The following PRAMEF6 variants were observed in gnomAD, a reference collection of about 807,000 sequenced individuals.
PRAMEF6 encodes the protein PRAME family member 6.
For missense variants in PRAMEF6, 29 were observed against 349.2 expected (o/e 0.08, Z 7.31); for synonymous variants, 8 against 134.4 (o/e 0.06, Z 6.51).
intron 1 of PRAMEF6, among the ~76,000 whole-genome samples, chr1:12,946,000 A>AAAAAAAAAAAAAAAAG (rs1641755315): frequency 6.4e-5 from 3 of 47,230 alleles, no homozygotes; most frequent in Non-Finnish European, 1.1e-4. Context: ...AAAAAAAAAA[A>AAAAAAAAAAAAAAAAG]AAAAAAAAAA....
intron 3 of PRAMEF6, 100 bp from the exon 4 acceptor site, chr1:12,939,336 C>G (rs1275940474): frequency 1.9e-5 from 15 of 772,654 alleles, no homozygotes; most frequent in Non-Finnish European, 2.8e-5. Context: ...CCATTTTGCC[C>G]AAGTCCAGGG....
In PRAMEF6 at chr1:12,939,465, G is replaced by A. The variant is rs1641693068; in HGVS notation, c.870-229C>T. On this transcript the variant is annotated intron_variant, in intron 3 of 3. Transcript: ENST00000376189. ...CTCACACCTGTAATCCCAGCACTTT[G>A]GGAGGCTGAGACTGGTGGATTCCTT... is the stretch of plus-strand genomic sequence containing the variant. 2.0e-5 allele frequency among the ~76,000 whole-genome samples: 2 copies of A among 98,504 alleles called. 1 individual carries two copies. The allele number at this position is 98,504 out of a possible 152,430, so 64.6% of individuals were successfully genotyped here.
rs924488601 is a variant in PRAMEF6, at chr1:12,939,694, G to C, written c.870-458C>G. On this transcript the variant is annotated intron_variant, in intron 3 of 3. Coordinates refer to ENST00000376189, the MANE Select transcript of PRAMEF6 (RefSeq NM_001010889.2). ...TACACTCCAGCCTGGGTGACAGAGA[G>C]AGACTCCGCATTAAAAAAAAAAAGG... is the stretch of plus-strand genomic sequence containing the variant. Among the ~76,000 whole-genome samples the C allele has an allele frequency of 1.8e-5, 2 of 112,012 alleles. 1 individual carries two copies. The highest frequency in any genetic ancestry group is 8.2e-5 in the African/African-American group (2 of 24,382). The allele number at this position is 112,012 out of a possible 152,430, so 73.5% of individuals were successfully genotyped here. A position where few individuals can be genotyped will look rare whatever the true frequency, so the allele number is the denominator to read the frequency against.
In PRAMEF6 at chr1:12,939,566, G is replaced by C. The variant is rs1422151163; in HGVS notation, c.870-330C>G. Among the ~76,000 whole-genome samples, 20 of 73,176 alleles carry C rather than the reference G, an allele frequency of 2.7e-4. No homozygotes were observed. The East Asian group carries it at 3.1e-3, about 11-fold the overall frequency. 48.0% of individuals were successfully genotyped at this position (73,176 alleles called of 152,430 possible). A position where few individuals can be genotyped will look rare whatever the true frequency, so the allele number is the denominator to read the frequency against. On this transcript the variant is annotated intron_variant, in intron 3 of 3. Transcript: ENST00000376189. The stretch of plus-strand genomic sequence containing the variant: ...TACTAAAAATCCAAAAATTAGCCAG[G>C]TGTGGTGGCGGGAGCCTGCAATTCC...
intron 1 of PRAMEF6, among the ~76,000 whole-genome samples, chr1:12,943,072 T>TCC (rs1641739302): frequency 6.8e-6 from 1 of 146,382 alleles, no homozygotes; most frequent in Non-Finnish European, 1.5e-5. Flanking sequence ...TCCTCCTCTC[T>TCC]CTCCCTCTTT....
intron 1 of PRAMEF6, 122 bp downstream of exon 1, chr1:12,947,394 TG>T (rs1470405192): frequency 7.4e-6 from 1 of 134,360 alleles, no homozygotes; most frequent in Non-Finnish European, 1.6e-5. Context: ...AGCTTCAAAT[TG>T]TTCATATGAA....
rs1308846079 is a variant in PRAMEF6, at chr1:12,938,524, C to T, written c.*151G>A. ...GGCAACACTTCCCCCAAGTCCTGCC[C>T]CTGCTTGATCACCTTCCCTTTCCCA... On this transcript the variant is annotated 3_prime_UTR_variant, in exon 4 of 4. Coordinates refer to ENST00000376189, the MANE Select transcript of PRAMEF6 (RefSeq NM_001010889.2). 2 of 938,828 alleles carry T rather than the reference C, an allele frequency of 2.1e-6. No homozygotes were observed. The highest frequency in any genetic ancestry group is 5.7e-5 in the Admixed American group (2 of 35,328). 58.2% of individuals were successfully genotyped at this position (938,828 alleles called of 1,614,324 possible).
rs1553173778 is a variant in PRAMEF6, at chr1:12,942,246, T to A, written c.273A>T (p.Gln91His). Residue 91 changes from glutamine to histidine, a missense_variant, in exon 2 of 4, where the codon CAA becomes CAT. Gln to His is a conservative substitution (Grantham distance 24). Transcript: ENST00000376189. ...GGCCACCTCACCTGGGATGAACCCC[T>A]TGGGTAAGCAGTGCATCCAGCCCAT... The part of the protein sequence containing the change: ...VLDGLDALLT[Q>H]GVHPRRWKLQ... 8.7e-5 allele frequency: 2 copies of A among 22,980 alleles called. No homozygotes were observed. Among genetic ancestry groups the A allele is most frequent in the African/African-American group, 0.015 (1 of 66 alleles). 1.4% of individuals were successfully genotyped at this position (22,980 alleles called of 1,614,324 possible). A position where few individuals can be genotyped will look rare whatever the true frequency, so the allele number is the denominator to read the frequency against.
intron 3 of PRAMEF6, among the ~76,000 whole-genome samples, chr1:12,939,507 G>GACCA (rs1411074218): frequency 1.2e-5 from 1 of 86,556 alleles, no homozygotes; most frequent in Non-Finnish European, 2.1e-5. Context: ...AGGAGTTTGA[G>GACCA]ACCAGCCTGC....
chr1:12,943,086 TCTTTC>T (rs1350586702), intron 1 of PRAMEF6, among the ~76,000 whole-genome samples: 560 of 146,008 alleles, frequency 3.8e-3, no homozygotes, highest in African/African-American at 0.014. Flanking sequence ...CCTCTTTCTT[TCTTTC>T]CCCCTCTCTC....
Position 12,941,845 on chromosome 1 carries a change from C to T in PRAMEF6, c.288-280G>A, listed in dbSNP as rs1440771295. Among the ~76,000 whole-genome samples the T allele has an allele frequency of 1.7e-4, 16 of 95,146 alleles. 2 individuals are homozygous for T. The highest frequency in any genetic ancestry group is 7.0e-4 in the Admixed American group (7 of 10,054). 62.4% of individuals were successfully genotyped at this position (95,146 alleles called of 152,430 possible). A position where few individuals can be genotyped will look rare whatever the true frequency, so the allele number is the denominator to read the frequency against. On this transcript the variant is annotated intron_variant, in intron 2 of 3. Coordinates refer to ENST00000376189, the MANE Select transcript of PRAMEF6 (RefSeq NM_001010889.2). ...AAATGATTCTCCTGCCTCAACCTCACAAGTAGCTGGGATTACAGGAACCCA... is the reference window on the plus strand; with the variant it reads ...AAATGATTCTCCTGCCTCAACCTCATAAGTAGCTGGGATTACAGGAACCCA...
At chr1:12,941,910 G>GT (rs1557664124) in intron 2 of PRAMEF6, among the ~76,000 whole-genome samples, 1 of 49,784 alleles carries the variant, frequency 2.0e-5, no homozygotes, top group Non-Finnish European at 3.4e-5. Flanking sequence ...TAGTAGAGTT[G>GT]GGGTTTACCA....
intron 1 of PRAMEF6, among the ~76,000 whole-genome samples, 155 bp downstream of exon 1, chr1:12,947,362 T>C (rs1569969085): frequency 7.8e-6 from 1 of 127,450 alleles, no homozygotes; most frequent in South Asian, 3.2e-4. Context: ...AAGACAGAAC[T>C]GCATTTAGAG....
At chr1:12,941,823 T>G (rs200185300) in intron 2 of PRAMEF6, among the ~76,000 whole-genome samples, 2 of 102,510 alleles carry the variant, frequency 2.0e-5, no homozygotes, top group Admixed American at 1.8e-4. Context: ...CGGGTTCAAA[T>G]GATTCTCCTG....
chr1:12,941,809 T>C (rs1641724122), intron 2 of PRAMEF6, among the ~76,000 whole-genome samples: 1 of 106,570 alleles, frequency 9.4e-6, no homozygotes, highest in Non-Finnish European at 1.8e-5. Flanking sequence ...CAACCTCTGC[T>C]TCCCGGGTTC....
At chr1:12,939,670 A>ACACT (rs1641696708) in intron 3 of PRAMEF6, among the ~76,000 whole-genome samples, 1 of 106,984 alleles carries the variant, frequency 9.3e-6, no homozygotes, top group Admixed American at 8.9e-5. Flanking sequence ...TCATGCCACT[A>ACACT]CACTCCAGCC....
chr1:12,939,621 C>T (rs1641695590), intron 3 of PRAMEF6, among the ~76,000 whole-genome samples: 1 of 92,602 alleles, frequency 1.1e-5, no homozygotes, highest in South Asian at 4.5e-4. Flanking sequence ...GCAGAAGAAT[C>T]GCTTGAACCC....
At chr1:12,939,421 T>C (rs28650105) in intron 3 of PRAMEF6, among the ~76,000 whole-genome samples, 185 bp from the exon 4 acceptor site, 1 of 106,320 alleles carries the variant, frequency 9.4e-6, no homozygotes, top group Non-Finnish European at 1.8e-5. Context: ...TCAATTCCAC[T>C]TTAGGCCCGG....
At chr1:12,941,778 TG>T (rs1641723683) in intron 2 of PRAMEF6, among the ~76,000 whole-genome samples, 1 of 112,470 alleles carries the variant, frequency 8.9e-6, no homozygotes, top group Non-Finnish European at 1.7e-5. Context: ...TGGAGTGCAG[TG>T]GTGTGATGTC....
Sources: gnomAD v4.1 joint callset for allele counts (sites outside exome capture counted in the v4.1 genomes callset) on GRCh38, gnomAD v4.1.1 for gene constraint, MANE v1.5 for transcripts, NCBI Gene and HGNC (gene_info 2026-07-23, HGNC 2026-07-21) for gene names.